Variants in TANC1 observed in about 807,000 individuals in gnomAD.
TANC1 encodes the protein tetratricopeptide repeat, ankyrin repeat and coiled-coil containing 1, also known as protein TANC1.
TANC1 carries 77 observed loss-of-function variants against 149.7 expected under a neutral mutation model. The observed-to-expected ratio is 0.51, with a 90% CI of 0.43 to 0.62. The LOEUF (loss-of-function observed/expected upper bound fraction) is 0.62. Ranked by LOEUF, TANC1 falls within the 20% of genes least tolerant of loss-of-function variation. TANC1 has a pLI of 0.00. For missense variants in TANC1, 1,985 were observed against 2,321.8 expected (o/e 0.85, Z 2.98); for synonymous variants, 854 against 925.0 (o/e 0.92, Z 1.39).
intron 13 of TANC1, 69 bp downstream of exon 13, chr2:159,176,587 G>A (rs1360516663): frequency 1.9e-5 from 24 of 1,243,080 alleles, no homozygotes; most frequent in Non-Finnish European, 2.5e-5. Flanking sequence ...TGTTAATAAC[G>A]TAAAACTGTT....
intron 2 of TANC1, among the ~76,000 whole-genome samples, chr2:159,025,189 T>TTTTCTTTCCTTCTTTCTTTC (rs2039187232): frequency 9.5e-6 from 1 of 105,222 alleles, no homozygotes; most frequent in Non-Finnish European, 1.9e-5. Flanking sequence ...TTTTTCTTTC[T>TTTTCTTTCCTTCTTTCTTTC]TTTCTTTCTT....
intron 5 of TANC1, among the ~76,000 whole-genome samples, chr2:159,139,361 A>C (rs115008810): frequency 1.8e-3 from 279 of 152,334 alleles, no homozygotes; most frequent in African/African-American, 6.5e-3. Flanking sequence ...CAAAATACAA[A>C]GCCCATTTTC....
chr2:159,007,278 C>T (rs2149357463), intron 2 of TANC1, among the ~76,000 whole-genome samples: 1 of 151,702 alleles, frequency 6.6e-6, no homozygotes, highest in Middle Eastern at 3.4e-3. Context: ...TCCCTAGTAG[C>T]TGGGATTACA....
intron 2 of TANC1, among the ~76,000 whole-genome samples, chr2:159,017,814 T>C (rs926606507): frequency 6.6e-6 from 1 of 152,092 alleles, no homozygotes; most frequent in African/African-American, 2.4e-5. Context: ...CCATGGCCCA[T>C]GTATACCTAT....
At chr2:159,129,998 A>C (rs560636660) in intron 4 of TANC1, among the ~76,000 whole-genome samples, 1 of 152,050 alleles carries the variant, frequency 6.6e-6, no homozygotes, top group African/African-American at 2.4e-5. Flanking sequence ...AAGCCTGTGC[A>C]CGTTACAGCT....
Position 159,186,944 on chromosome 2 carries a change from G to A in TANC1, c.2662G>A (p.Ala888Thr). The A allele has an allele frequency of 6.2e-7, 1 of 1,614,202 alleles. No individual in the cohort carries two copies. Among genetic ancestry groups the A allele is most frequent in the South Asian group, 1.1e-5 (1 of 91,082 alleles). Residue 888 changes from alanine to threonine, a missense_variant, in exon 16 of 27, where the codon GCC becomes ACC. Around this residue, in one of 3 missense-constraint regions of TANC1, gnomAD observed 508 missense variants for 714.2 expected, o/e 0.71. Coordinates refer to ENST00000263635, the MANE Select transcript of TANC1 (RefSeq NM_033394.3). ...KTGISSSHLQ[A>T]LWIGYSTEGL... is the part of the protein sequence containing the mutation. The stretch of plus-strand genomic sequence containing the variant: ...GGGAATTTCTTCAAGCCATCTCCAA[G>A]CCCTGTGGATCGGCTACAGCACCGA...
chr2:159,136,046 G>GTGTGTGTGTGTGTGTT (rs2050667274), intron 4 of TANC1, 148 bp from the exon 5 acceptor site: 4 of 247,076 alleles, frequency 1.6e-5, no homozygotes, highest in South Asian at 8.8e-5. Context: ...GTGTGTGTGT[G>GTGTGTGTGTGTGTGTT]TGTGCGCGCG....
chr2:159,106,136 T>A (rs1347128257), intron 4 of TANC1, among the ~76,000 whole-genome samples: 1 of 152,234 alleles, frequency 6.6e-6, no homozygotes, highest in Non-Finnish European at 1.5e-5. Flanking sequence ...ATAATTTACA[T>A]ACCACATAAT....
At chr2:159,085,797 C>T (rs543520202) in intron 3 of TANC1, among the ~76,000 whole-genome samples, 94 of 152,284 alleles carry the variant, frequency 6.2e-4, no homozygotes, top group African/African-American at 2.2e-3. Context: ...CGTGACCCAA[C>T]ACCTCTCACT....
At chr2:159,007,620 T>C (rs2037344502) in intron 2 of TANC1, among the ~76,000 whole-genome samples, 7 of 152,226 alleles carry the variant, frequency 4.6e-5, no homozygotes, top group Admixed American at 4.6e-4. Context: ...TCTAGATTTG[T>C]GTAAGTACAC....
At chr2:159,160,352 T>C (rs973693738) in intron 7 of TANC1, among the ~76,000 whole-genome samples, 7 of 152,140 alleles carry the variant, frequency 4.6e-5, no homozygotes, top group Admixed American at 4.6e-4. Context: ...TTTTTTTAAG[T>C]CATCACAGTT....
chr2:159,164,141 A>T (rs73002943), intron 8 of TANC1, among the ~76,000 whole-genome samples: 1,636 of 152,240 alleles, frequency 0.011, 32 homozygotes, highest in African/African-American at 0.037. Flanking sequence ...AAAGGCTGGC[A>T]ACTGTCAGTA....
At chr2:159,197,551 G>GAC (rs1333501429) in intron 18 of TANC1, among the ~76,000 whole-genome samples, 2 of 151,930 alleles carry the variant, frequency 1.3e-5, no homozygotes, top group Admixed American at 6.6e-5. Flanking sequence ...CTCATGAGCG[G>GAC]ACACACACAC....
At chr2:159,146,125 G>A (rs376301443) in intron 5 of TANC1, among the ~76,000 whole-genome samples, 10 of 152,278 alleles carry the variant, frequency 6.6e-5, no homozygotes, top group South Asian at 2.1e-4. Flanking sequence ...ATTTCACAGC[G>A]TGTCCATGTG....
intron 3 of TANC1, among the ~76,000 whole-genome samples, chr2:159,083,243 C>A (rs1468336213): frequency 6.6e-6 from 1 of 152,050 alleles, no homozygotes; most frequent in African/African-American, 2.4e-5. Context: ...GCATGAGCCA[C>A]CATACCTGGC....
chr2:158,988,186 G>T (rs569754536), intron 1 of TANC1, among the ~76,000 whole-genome samples: 1 of 151,880 alleles, frequency 6.6e-6, no homozygotes, highest in Non-Finnish European at 1.5e-5. Context: ...TTAGCCGGTC[G>T]TGGTGGTGGG....
intron 3 of TANC1, among the ~76,000 whole-genome samples, chr2:159,069,791 C>T (rs1359811356): frequency 9.7e-6 from 1 of 102,726 alleles, no homozygotes; most frequent in South Asian, 3.2e-4. Context: ...TTTTTTGAGA[C>T]AGGGTTTTGC....
At chr2:159,210,627 C>T (rs1445814612) in intron 19 of TANC1, among the ~76,000 whole-genome samples, 3 of 151,836 alleles carry the variant, frequency 2.0e-5, no homozygotes, top group Non-Finnish European at 4.4e-5. Context: ...AGTGCAGTGG[C>T]GAGATCTCGG....
intron 4 of TANC1, among the ~76,000 whole-genome samples, chr2:159,118,633 A>G (rs2048539852): frequency 6.6e-6 from 1 of 152,166 alleles, no homozygotes; most frequent in African/African-American, 2.4e-5. Context: ...ACTGTTAGCC[A>G]TATGTGTGTT....
Sources: allele counts gnomAD v4.1 joint callset (sites outside exome capture counted in the v4.1 genomes callset), GRCh38; gene constraint gnomAD v4.1.1; regional missense constraint gnomAD v4.1.1; transcripts MANE v1.5; gene names NCBI Gene and HGNC (gene_info 2026-07-23, HGNC 2026-07-21).